Variants in CACNA2D3 observed in about 807,000 individuals in gnomAD.
CACNA2D3 encodes calcium voltage-gated channel auxiliary subunit alpha2delta 3.
In CACNA2D3, 60 loss-of-function variants were observed where a neutral mutation model predicts 160.6. That is an observed-to-expected ratio of 0.37 (90% confidence interval 0.30 to 0.46). The LOEUF (loss-of-function observed/expected upper bound fraction) is 0.46, where lower values mean the gene tolerates loss of function less well. CACNA2D3 is among the 20% of genes least tolerant of loss of function. CACNA2D3 has a pLI of 1.00. For synonymous variants in CACNA2D3, 558 were observed against 492.9 expected (o/e 1.13, Z -1.75); for missense variants, 1,205 against 1,365.0 (o/e 0.88, Z 1.85).
chr3:55,039,661 C>T lies in CACNA2D3; in HGVS notation c.2987+21344C>T, dbSNP rs2107189095. On this transcript the variant is annotated intron_variant, in intron 35 of 37. Coordinates refer to ENST00000474759, the MANE Select transcript of CACNA2D3 (RefSeq NM_018398.3). ...GTTCTGCATAACAAGATATTACAGG[C>T]TTATTTTGTACATTTTCTGCCTCAA... 2.0e-5 allele frequency among the ~76,000 whole-genome samples: 3 copies of T among 152,266 alleles called. No homozygotes were observed. The South Asian group carries it at 6.2e-4, about 32-fold the overall frequency.
Position 54,319,157 on chromosome 3 carries a change from G to GACACACACACACAC in CACNA2D3, c.205-1254_205-1241dup, listed in dbSNP as rs58790730. On this transcript the variant is annotated intron_variant, in intron 2 of 37. Coordinates refer to ENST00000474759, the MANE Select transcript of CACNA2D3 (RefSeq NM_018398.3). ...TGAACAAGGAAGGGAAGCATTTTGTGACACACACACACACACACACACACA... is the reference window on the plus strand; with the variant it reads ...TGAACAAGGAAGGGAAGCATTTTGTGACACACACACACACACACACACACACACACACACACACA... Among the ~76,000 whole-genome samples, 584 of 138,938 alleles carry GACACACACACACAC rather than the reference G, an allele frequency of 4.2e-3. 5 individuals are homozygous for GACACACACACACAC. The highest frequency in any genetic ancestry group is 0.011 in the African/African-American group (402 of 36,548). 91.1% of individuals were successfully genotyped at this position (138,938 alleles called of 152,430 possible).
intron 4 of CACNA2D3, among the ~76,000 whole-genome samples, chr3:54,389,082 A>T (rs1326216630): frequency 6.6e-6 from 1 of 152,112 alleles, no homozygotes; most frequent in African/African-American, 2.4e-5. Flanking sequence ...AGGCGGGTGT[A>T]TCAGGAGTTT....
chr3:54,813,213 A>G (rs1703364987), intron 13 of CACNA2D3, among the ~76,000 whole-genome samples: 1 of 152,218 alleles, frequency 6.6e-6, no homozygotes, highest in South Asian at 2.1e-4. Flanking sequence ...GGTGTGGGCC[A>G]GGAAGGAACC....
intron 9 of CACNA2D3, among the ~76,000 whole-genome samples, chr3:54,611,373 T>G (rs1197118069): frequency 6.6e-6 from 1 of 152,246 alleles, no homozygotes; most frequent in Non-Finnish European, 1.5e-5. Flanking sequence ...TAACTCTCTC[T>G]CAATTTCTGC....
chr3:54,171,807 C>G (rs191061943), intron 2 of CACNA2D3, among the ~76,000 whole-genome samples: 2 of 152,304 alleles, frequency 1.3e-5, no homozygotes, highest in East Asian at 3.9e-4. Flanking sequence ...GGCTGAACTT[C>G]TTGGTCCCTG....
chr3:54,747,431 G>A (rs971876524), intron 11 of CACNA2D3, among the ~76,000 whole-genome samples: 1 of 152,154 alleles, frequency 6.6e-6, no homozygotes, highest in African/African-American at 2.4e-5. Flanking sequence ...TGGGACATGG[G>A]CATTCAGAAT....
At chr3:54,651,777 CCGTGGCG>C (rs1699769276) in intron 11 of CACNA2D3, among the ~76,000 whole-genome samples, 1 of 152,122 alleles carries the variant, frequency 6.6e-6, no homozygotes. Flanking sequence ...CTTAGCTTTA[CCGTGGCG>C]CCTCTGAGGG....
At chr3:54,516,297 G>T (rs929244322) in intron 5 of CACNA2D3, among the ~76,000 whole-genome samples, 1 of 152,184 alleles carries the variant, frequency 6.6e-6, no homozygotes, top group African/African-American at 2.4e-5. Context: ...ATCACAGGCT[G>T]CCCCGTGTGG....
chr3:54,978,130 C>T (rs1346792175), intron 29 of CACNA2D3, among the ~76,000 whole-genome samples: 1 of 152,150 alleles, frequency 6.6e-6, no homozygotes, highest in Non-Finnish European at 1.5e-5. Flanking sequence ...TCCTGTTTAT[C>T]AGCAAGATCT....
At chr3:54,902,036 G>A (rs1355278932) in intron 27 of CACNA2D3, among the ~76,000 whole-genome samples, 2 of 152,184 alleles carry the variant, frequency 1.3e-5, no homozygotes, top group Non-Finnish European at 2.9e-5. Context: ...CCTTGTTTTG[G>A]CAGATGAAGA....
chr3:54,896,262 A>G (rs9815509), intron 25 of CACNA2D3, among the ~76,000 whole-genome samples: 2,894 of 152,198 alleles, frequency 0.019, 86 homozygotes, highest in African/African-American at 0.067. Context: ...AGGTACAAAG[A>G]TCTCAGTGTG....
At chr3:54,815,020 T>C (rs1446572129) in intron 13 of CACNA2D3, among the ~76,000 whole-genome samples, 1 of 152,220 alleles carries the variant, frequency 6.6e-6, no homozygotes, top group Non-Finnish European at 1.5e-5. Context: ...TGTTCATGTA[T>C]CCAAGGTTTG....
chr3:54,596,636 A>G (rs1702959938), intron 9 of CACNA2D3, among the ~76,000 whole-genome samples: 1 of 151,884 alleles, frequency 6.6e-6, no homozygotes, highest in African/African-American at 2.4e-5. Context: ...TCTTGCTAGT[A>G]TGACCTCTTC....
intron 35 of CACNA2D3, among the ~76,000 whole-genome samples, chr3:55,059,308 G>A (rs920753377): frequency 1.1e-4 from 16 of 152,226 alleles, no homozygotes; most frequent in African/African-American, 3.9e-4. Context: ...TCCCTTCGAT[G>A]TAGGGACAGA....
chr3:54,463,696 C>G (rs933126390), intron 4 of CACNA2D3, among the ~76,000 whole-genome samples: 1 of 152,132 alleles, frequency 6.6e-6, no homozygotes, highest in African/African-American at 2.4e-5. Flanking sequence ...AAGTTTTTAA[C>G]TTTTTTGCCT....
chr3:54,603,951 G>A (rs779042261), intron 9 of CACNA2D3, among the ~76,000 whole-genome samples: 1 of 152,060 alleles, frequency 6.6e-6, no homozygotes, highest in Non-Finnish European at 1.5e-5. Context: ...TACAGACCCT[G>A]AAATATCCTA....
intron 11 of CACNA2D3, among the ~76,000 whole-genome samples, chr3:54,717,289 C>A (rs932605576): frequency 3.3e-5 from 5 of 152,164 alleles, no homozygotes; most frequent in African/African-American, 9.7e-5. Flanking sequence ...TGTGAAAATT[C>A]TTCCACATCT....
intron 2 of CACNA2D3, among the ~76,000 whole-genome samples, chr3:54,279,339 G>A (rs1158915214): frequency 6.6e-6 from 1 of 152,184 alleles, no homozygotes; most frequent in Admixed American, 6.5e-5. Context: ...GACCTTCACT[G>A]TGTGTGTGGG....
chr3:54,147,417 A>G (rs994392845), intron 2 of CACNA2D3, among the ~76,000 whole-genome samples: 2 of 152,246 alleles, frequency 1.3e-5, no homozygotes, highest in Admixed American at 1.3e-4. Context: ...AGAATTTCCC[A>G]CTAATCTCTG....
Sources: gnomAD v4.1 joint callset for allele counts (sites outside exome capture counted in the v4.1 genomes callset) on GRCh38, gnomAD v4.1.1 for gene constraint, MANE v1.5 for transcripts, NCBI Gene and HGNC (gene_info 2026-07-23, HGNC 2026-07-21) for gene names.